Variants in HDAC9 observed in about 807,000 individuals in gnomAD.
HDAC9 encodes histone deacetylase 9, also known as MEF-2 interacting transcription repressor (MITR) protein.
In HDAC9, 41 loss-of-function variants were observed where a neutral mutation model predicts 139.4. The ratio of observed to expected loss-of-function variants is 0.29; its 90% confidence interval spans 0.23 to 0.38. HDAC9 has a LOEUF of 0.38. Among genes scored for constraint, HDAC9 ranks in the 10% least tolerant of loss-of-function variants. The pLI is 1.00. For synonymous variants in HDAC9, 517 were observed against 476.2 expected (o/e 1.09, Z -1.12); for missense variants, 1,147 against 1,297.0 (o/e 0.88, Z 1.78).
At chr7:18,815,531 G>A (rs1301937108) in intron 17 of HDAC9, among the ~76,000 whole-genome samples, 2 of 152,204 alleles carry the variant, frequency 1.3e-5, no homozygotes, top group South Asian at 4.1e-4. Context: ...CAGGTGCCCT[G>A]TCTCCTTCCT....
chr7:18,299,811 C>T (rs952885391), intron 1 of HDAC9, among the ~76,000 whole-genome samples: 1 of 152,126 alleles, frequency 6.6e-6, no homozygotes, highest in Admixed American at 6.5e-5. Flanking sequence ...TGAAGCAGTG[C>T]GGAGAAAAGG....
At chr7:18,665,335 A>G (rs1478314771) in intron 11 of HDAC9, among the ~76,000 whole-genome samples, 1 of 152,122 alleles carries the variant, frequency 6.6e-6, no homozygotes, top group East Asian at 1.9e-4. Flanking sequence ...AAATAAAACA[A>G]ATGACCAGTG....
rs753279370 is a variant in HDAC9 at position 18,762,170 on chromosome 7, G to A, written c.2057G>A (p.Arg686Gln). 1 of 1,613,468 alleles carries A rather than the reference G, an allele frequency of 6.2e-7. No homozygotes were observed. ...LLNKCERIQG[R>Q]KASLEEIQLV... ...ATTTTCTTGCAGCGAATTCAAGGTC[G>A]AAAAGCCAGCCTGGAGGAAATACAG... is the stretch of plus-strand genomic sequence containing the variant. The change falls in exon 15 of 26, where the codon CGA becomes CAA. Residue 686 changes from arginine to glutamine, a missense_variant. Arg to Gln is a conservative substitution (Grantham distance 43). This residue lies in a region of HDAC9 where 407 missense variants were observed against 521.5 expected (regional missense o/e 0.78). Transcript: ENST00000686413.
chr7:18,223,638 C>G (rs1457444747), intron 2 of HDAC9, among the ~76,000 whole-genome samples: 1 of 151,960 alleles, frequency 6.6e-6, no homozygotes, highest in African/African-American at 2.4e-5. Flanking sequence ...ACTGTGTTTT[C>G]TTTTTTTAAT....
chr7:18,469,133 C>T (rs915194034), intron 1 of HDAC9, among the ~76,000 whole-genome samples: 14 of 152,130 alleles, frequency 9.2e-5, no homozygotes, highest in Non-Finnish European at 1.8e-4. Context: ...TAGTTTTACT[C>T]CATTGGCCAG....
At chr7:18,478,113 C>T (rs1410806677) in intron 1 of HDAC9, among the ~76,000 whole-genome samples, 1 of 152,014 alleles carries the variant, frequency 6.6e-6, no homozygotes, top group Non-Finnish European at 1.5e-5. Context: ...GCTCTGTCGC[C>T]CAGGCTGGAG....
At chr7:18,429,549 T>TTGTGTGTG (rs544337272) in intron 1 of HDAC9, among the ~76,000 whole-genome samples, 213 of 150,224 alleles carry the variant, frequency 1.4e-3, no homozygotes, top group African/African-American at 4.7e-3. Context: ...GTGTGTGTAT[T>TTGTGTGTG]TGTGTGTGTG....
At chr7:18,243,430 C>T (rs1794319316) in intron 2 of HDAC9, among the ~76,000 whole-genome samples, 1 of 152,170 alleles carries the variant, frequency 6.6e-6, no homozygotes, top group Non-Finnish European at 1.5e-5. Flanking sequence ...GTTGGATGTC[C>T]CTTACAGCTT....
intron 25 of HDAC9, among the ~76,000 whole-genome samples, chr7:18,991,412 G>C (rs191497426): frequency 6.6e-6 from 1 of 152,266 alleles, no homozygotes; most frequent in East Asian, 1.9e-4. Flanking sequence ...AGGCCGAGGC[G>C]GGCAGATCAC....
intron 2 of HDAC9, among the ~76,000 whole-genome samples, chr7:18,237,049 A>G (rs2128187515): frequency 6.6e-6 from 1 of 152,268 alleles, no homozygotes; most frequent in East Asian, 1.9e-4. Flanking sequence ...TTCGTATCCC[A>G]CTTGACTTAA....
intron 1 of HDAC9, among the ~76,000 whole-genome samples, chr7:18,357,244 A>G (rs186159969): frequency 1.3e-5 from 2 of 152,248 alleles, no homozygotes. Context: ...AATCTAATAT[A>G]TATGTGAAAA....
At chr7:18,170,878 G>A (rs1041438701) in intron 2 of HDAC9, among the ~76,000 whole-genome samples, 13 of 152,128 alleles carry the variant, frequency 8.5e-5, no homozygotes, top group Non-Finnish European at 1.8e-4. Context: ...GTCAGGTAGC[G>A]TGATGCCTCC....
At chr7:18,223,271 T>C (rs1053722737) in intron 2 of HDAC9, among the ~76,000 whole-genome samples, 1 of 152,134 alleles carries the variant, frequency 6.6e-6, no homozygotes, top group Non-Finnish European at 1.5e-5. Context: ...TTCTTTTACC[T>C]CTTATGATGA....
rs567526388 is a variant in HDAC9 at position 18,548,905 on chromosome 7, A to G, written c.23-36376A>G. ...ACATTGGTATTGGGAATGTAAAATG[A>G]TACTGCTATTCTGGAAAATAGTTTG... is the stretch of plus-strand genomic sequence containing the variant. On this transcript the variant is annotated intron_variant, in intron 2 of 25. Coordinates refer to ENST00000686413, the MANE Select transcript of HDAC9 (RefSeq NM_178425.4). Among the ~76,000 whole-genome samples the G allele has an allele frequency of 4.9e-4, 75 of 152,318 alleles. 1 individual carries two copies. Among genetic ancestry groups the G allele is most frequent in the African/African-American group, 1.8e-3 (73 of 41,574 alleles).
At chr7:18,711,306 C>T (rs1052938176) in intron 12 of HDAC9, among the ~76,000 whole-genome samples, 1 of 152,166 alleles carries the variant, frequency 6.6e-6, no homozygotes, top group Non-Finnish European at 1.5e-5. Flanking sequence ...GGTCCACCTT[C>T]CTCTCTCCAA....
intron 17 of HDAC9, among the ~76,000 whole-genome samples, chr7:18,824,913 A>AT (rs1287278337): frequency 2.6e-5 from 4 of 152,258 alleles, no homozygotes; most frequent in Non-Finnish European, 5.9e-5. Flanking sequence ...TGAGTGATAT[A>AT]TAAAAACAAA....
chr7:18,487,380 A>G (rs74736228), intron 1 of HDAC9, among the ~76,000 whole-genome samples: 1,529 of 152,162 alleles, frequency 0.01, 16 homozygotes, highest in Middle Eastern at 0.037. Context: ...TTTGGGTAAT[A>G]TCCAGGAATT....
chr7:18,973,012 A>C (rs1406366201), intron 24 of HDAC9, among the ~76,000 whole-genome samples: 1 of 152,192 alleles, frequency 6.6e-6, no homozygotes, highest in African/African-American at 2.4e-5. Flanking sequence ...TGTCTACTGG[A>C]AGGTGGGTGG....
chr7:18,661,809 G>A (rs948884433), intron 11 of HDAC9, among the ~76,000 whole-genome samples: 28 of 152,108 alleles, frequency 1.8e-4, no homozygotes, highest in Non-Finnish European at 1.2e-4. Context: ...TAGATCAGAA[G>A]TGTAGATGAA....
Sources: allele counts gnomAD v4.1 joint callset (sites outside exome capture counted in the v4.1 genomes callset), GRCh38; gene constraint gnomAD v4.1.1; regional missense constraint gnomAD v4.1.1; transcripts MANE v1.5; gene names NCBI Gene and HGNC (gene_info 2026-07-23, HGNC 2026-07-21).